CYRIA: variants seen among roughly 807,000 people sequenced by gnomAD.
CYRIA encodes the protein CYFIP related Rac1 interactor A.
Under a neutral mutation model 43.9 loss-of-function variants are expected in CYRIA, and 15 were observed. The observed-to-expected ratio is 0.34, with a 90% CI of 0.23 to 0.53. The LOEUF (loss-of-function observed/expected upper bound fraction) is 0.53. Among genes scored for constraint, CYRIA ranks in the 20% least tolerant of loss-of-function variants. CYRIA has a pLI of 0.94. For missense variants in CYRIA, 236 were observed against 394.2 expected, an observed-to-expected ratio of 0.60 and a Z score of 3.40; for synonymous variants, 117 against 136.0, an observed-to-expected ratio of 0.86 and a Z score of 0.97.
At chr2:16,643,943 C>T (rs945874716) in intron 1 of CYRIA, among the ~76,000 whole-genome samples, 4 of 152,200 alleles carry the variant, frequency 2.6e-5, no homozygotes, top group African/African-American at 4.8e-5. Context: ...GCAGACATTC[C>T]GTAAGTATCT....
chr2:16,587,949 T>A, intron 3 of CYRIA, 101 bp downstream of exon 3: 1 of 736,728 alleles, frequency 1.4e-6, no homozygotes, highest in South Asian at 2.0e-5. Flanking sequence ...GACCTTTGGA[T>A]TTGATTCAAC....
chr2:16,575,075 G>C (rs1200965507), intron 3 of CYRIA, among the ~76,000 whole-genome samples: 1 of 152,178 alleles, frequency 6.6e-6, no homozygotes, highest in Non-Finnish European at 1.5e-5. Context: ...CCAAGGCCTT[G>C]GGAGCCCACC....
intron 1 of CYRIA, among the ~76,000 whole-genome samples, chr2:16,624,542 T>C (rs950018334): frequency 2.6e-5 from 4 of 152,158 alleles, no homozygotes; most frequent in African/African-American, 7.2e-5. Flanking sequence ...CCATGACCCA[T>C]GAACACAGTG....
chr2:16,636,493 G>A (rs1276803807), intron 1 of CYRIA, among the ~76,000 whole-genome samples: 1 of 152,182 alleles, frequency 6.6e-6, no homozygotes, highest in Non-Finnish European at 1.5e-5. Context: ...CTTTGTGAAT[G>A]AGGAGCTCAT....
intron 3 of CYRIA, among the ~76,000 whole-genome samples, chr2:16,577,974 G>A (rs1667409371): frequency 6.6e-6 from 1 of 152,172 alleles, no homozygotes; most frequent in East Asian, 1.9e-4. Context: ...GCAGAAAAAT[G>A]AAGAGAAAGC....
At chr2:16,661,516 C>T (rs77899071) in intron 1 of CYRIA, among the ~76,000 whole-genome samples, 9,542 of 152,256 alleles carry the variant, frequency 0.063, 362 homozygotes, top group South Asian at 0.11. Flanking sequence ...AAACATTTTC[C>T]TTTAACTCAG....
chr2:16,575,713 G>T (rs1042143605), intron 3 of CYRIA, among the ~76,000 whole-genome samples: 1 of 151,856 alleles, frequency 6.6e-6, no homozygotes, highest in Admixed American at 6.6e-5. Context: ...AAAATTAGCC[G>T]GGCGTGATGG....
At chr2:16,560,098 G>A (rs1172643181) in intron 9 of CYRIA, among the ~76,000 whole-genome samples, 1 of 152,138 alleles carries the variant, frequency 6.6e-6, no homozygotes, top group East Asian at 1.9e-4. Context: ...TATTTGTAGA[G>A]TTTGAATTTT....
At chr2:16,625,668 T>A (rs1669140013) in intron 1 of CYRIA, 1 of 152,110 alleles carries the variant, frequency 6.6e-6, no homozygotes, top group South Asian at 2.1e-4. Flanking sequence ...ACCTCAGGTG[T>A]AGACATGGAA....
chr2:16,616,623 C>CA (rs1168596325), intron 2 of CYRIA, among the ~76,000 whole-genome samples: 1 of 152,236 alleles, frequency 6.6e-6, no homozygotes, highest in Admixed American at 6.5e-5. Flanking sequence ...CTCGGCTTTG[C>CA]AACTCAATCA....
intron 1 of CYRIA, among the ~76,000 whole-genome samples, chr2:16,634,686 A>T (rs1669438458): frequency 6.6e-6 from 1 of 152,188 alleles, no homozygotes; most frequent in African/African-American, 2.4e-5. Flanking sequence ...TGGCAGAACA[A>T]GGTCCAGAGG....
chr2:16,636,153 T>C (rs1331600537), intron 1 of CYRIA, among the ~76,000 whole-genome samples: 1 of 152,090 alleles, frequency 6.6e-6, no homozygotes, highest in Non-Finnish European at 1.5e-5. Context: ...GGAAGTCCCT[T>C]GCAAGACTCC....
intron 2 of CYRIA, among the ~76,000 whole-genome samples, chr2:16,613,028 G>A (rs1470460654): frequency 1.3e-5 from 2 of 152,100 alleles, no homozygotes; most frequent in Non-Finnish European, 2.9e-5. Context: ...CTCCTCATTC[G>A]TCTTCCTCCT....
At chr2:16,564,312 T>C (rs570691922) in intron 4 of CYRIA, among the ~76,000 whole-genome samples, 1 of 152,332 alleles carries the variant, frequency 6.6e-6, no homozygotes, top group East Asian at 1.9e-4. Context: ...TTACATCCTG[T>C]GTCATCTTAC....
Position 16,552,667 on chromosome 2 carries a change from TAAAG to T in CYRIA, c.*265_*268del, listed in dbSNP as rs141668569. 957 of 392,966 alleles carry T rather than the reference TAAAG, an allele frequency of 2.4e-3. 3 individuals carry two copies. Among genetic ancestry groups the T allele is most frequent in the Non-Finnish European group, 3.7e-3 (815 of 218,754 alleles). 24.3% of individuals were successfully genotyped at this position (392,966 alleles called of 1,614,324 possible). On this transcript the variant is annotated 3_prime_UTR_variant, in exon 12 of 12. Coordinates refer to ENST00000381323, the MANE Select transcript of CYRIA (RefSeq NM_030797.4). The stretch of plus-strand genomic sequence containing the variant: ...AATTTTTTATCGTTATAGATGTTGT[TAAAG>T]GACTCCAGTAGCAAAGATCAAAGTC...
intron 2 of CYRIA, among the ~76,000 whole-genome samples, chr2:16,606,691 A>G (rs1253433067): frequency 6.6e-6 from 1 of 152,174 alleles, no homozygotes; most frequent in Non-Finnish European, 1.5e-5. Context: ...ACAACCTATC[A>G]GGTCAAGGGA....
chr2:16,571,431 G>A (rs1667123847), intron 3 of CYRIA, among the ~76,000 whole-genome samples: 1 of 152,188 alleles, frequency 6.6e-6, no homozygotes, highest in South Asian at 2.1e-4. Flanking sequence ...CTGCCACAGG[G>A]CACGACAGCA....
Position 16,555,053 on chromosome 2 carries a change from C to G in CYRIA, c.908+16G>C, listed in dbSNP as rs1232474456. 22 of 1,610,546 alleles carry G rather than the reference C, an allele frequency of 1.4e-5. No individual in the cohort carries two copies. The highest frequency in any genetic ancestry group is 1.8e-5 in the Non-Finnish European group (21 of 1,177,700). On this transcript the variant is annotated intron_variant, in intron 11 of 11. Transcript: ENST00000381323. ...GCTGGCTGTTCCCTGTGAGCTGACA[C>G]AGGGTTGAAGCTCACCTGAGGGCAT...
At chr2:16,610,344 G>A (rs1301595115) in intron 2 of CYRIA, among the ~76,000 whole-genome samples, 5 of 152,148 alleles carry the variant, frequency 3.3e-5, no homozygotes, top group Non-Finnish European at 7.3e-5. Flanking sequence ...TTATTTTGTC[G>A]AATACTCCTG....
Sources: gnomAD v4.1 joint callset for allele counts (sites outside exome capture counted in the v4.1 genomes callset) on GRCh38, gnomAD v4.1.1 for gene constraint, MANE v1.5 for transcripts, NCBI Gene and HGNC (gene_info 2026-07-23, HGNC 2026-07-21) for gene names.